The following SHANK2 variants were observed in gnomAD, a reference collection of about 807,000 sequenced individuals.
The protein encoded by SHANK2 is SH3 and multiple ankyrin repeat domains protein 2.
Under a neutral mutation model 133.7 loss-of-function variants are expected in SHANK2, and 43 were observed. That is an observed-to-expected ratio of 0.32 (90% CI 0.25 to 0.41). The LOEUF is 0.41. SHANK2 is among the 10% of genes least tolerant of loss of function. SHANK2 has a pLI of 1.00. For missense variants in SHANK2, 1,994 were observed against 2,235.8 expected (o/e 0.89, Z 2.18); for synonymous variants, 1,017 against 952.8 (o/e 1.07, Z -1.24).
intron 9 of SHANK2, among the ~76,000 whole-genome samples, chr11:71,071,709 T>C (rs890317546): frequency 1.3e-5 from 2 of 152,008 alleles, no homozygotes; most frequent in Non-Finnish European, 2.9e-5. Flanking sequence ...AGAAGCAAAG[T>C]GGGACTCCAG....
chr11:70,851,803 T>C (rs536618607), intron 11 of SHANK2, among the ~76,000 whole-genome samples: 1 of 152,338 alleles, frequency 6.6e-6, no homozygotes, highest in East Asian at 1.9e-4. Context: ...GACCCAGAGC[T>C]TGGGGTCCAG....
At chr11:70,949,254 C>A (rs897993995) in intron 10 of SHANK2, among the ~76,000 whole-genome samples, 1 of 152,252 alleles carries the variant, frequency 6.6e-6, no homozygotes, top group Non-Finnish European at 1.5e-5. Flanking sequence ...TACCGCCCCT[C>A]CCGGCTCCGC....
chr11:70,504,170 C>G (rs1412572391), intron 17 of SHANK2, among the ~76,000 whole-genome samples: 1 of 152,254 alleles, frequency 6.6e-6, no homozygotes, highest in Non-Finnish European at 1.5e-5. Context: ...ACCAGCCACA[C>G]TGTGCTGTAC....
intron 17 of SHANK2, among the ~76,000 whole-genome samples, chr11:70,561,725 G>GA (rs1307209559): frequency 1.4e-5 from 2 of 147,458 alleles, no homozygotes; most frequent in Non-Finnish European, 3.0e-5. Flanking sequence ...ATGGCAGGGG[G>GA]GGTCTCACTA....
chr11:70,781,213 A>G (rs1188645686), intron 14 of SHANK2, among the ~76,000 whole-genome samples: 1 of 152,008 alleles, frequency 6.6e-6, no homozygotes, highest in Non-Finnish European at 1.5e-5. Flanking sequence ...CTTACATGCA[A>G]AATAGGAACG....
chr11:70,475,426 T>G (rs887899310), intron 25 of SHANK2, among the ~76,000 whole-genome samples: 1 of 152,218 alleles, frequency 6.6e-6, no homozygotes, highest in African/African-American at 2.4e-5. Flanking sequence ...GGGAGTGACC[T>G]GGAGACGGGC....
intron 11 of SHANK2, among the ~76,000 whole-genome samples, chr11:70,868,766 GT>G (rs573794263): frequency 1.6e-3 from 249 of 152,348 alleles, no homozygotes; most frequent in African/African-American, 5.8e-3. Flanking sequence ...GGAAAGCCCT[GT>G]TTGGACACAA....
intron 11 of SHANK2, among the ~76,000 whole-genome samples, chr11:70,848,304 C>T (rs1187597732): frequency 2.6e-5 from 4 of 152,186 alleles, no homozygotes; most frequent in African/African-American, 9.7e-5. Context: ...AAAGAATCTG[C>T]CCGTGAGCCG....
intron 17 of SHANK2, among the ~76,000 whole-genome samples, chr11:70,621,805 C>T (rs2060832699): frequency 6.6e-6 from 1 of 152,166 alleles, no homozygotes; most frequent in Admixed American, 6.6e-5. Flanking sequence ...TCTGGAGACA[C>T]CCATAAATGA....
At chr11:70,697,367 T>A (rs550687213) in intron 15 of SHANK2, among the ~76,000 whole-genome samples, 1 of 152,302 alleles carries the variant, frequency 6.6e-6, no homozygotes, top group African/African-American at 2.4e-5. Flanking sequence ...TTTGAAAACA[T>A]GATGCAGCGT....
chr11:70,621,482 C>T (rs1164082471), intron 17 of SHANK2, among the ~76,000 whole-genome samples: 1 of 152,218 alleles, frequency 6.6e-6, no homozygotes, highest in African/African-American at 2.4e-5. Flanking sequence ...GCCAGATGCA[C>T]ACCAAAGGCT....
intron 17 of SHANK2, among the ~76,000 whole-genome samples, chr11:70,576,647 C>G (rs539549801): frequency 1.1e-4 from 16 of 152,012 alleles, no homozygotes; most frequent in Non-Finnish European, 2.2e-4. Flanking sequence ...AAAAAACAAA[C>G]AAACAAACAA....
chr11:70,869,048 C>T (rs941743652), intron 11 of SHANK2, among the ~76,000 whole-genome samples: 8 of 152,298 alleles, frequency 5.3e-5, no homozygotes, highest in Middle Eastern at 6.8e-3. Context: ...GGGGCAGGTC[C>T]TAAATCCAAT....
rs537771864 is a variant in SHANK2, at chr11:70,877,493, C to T, written c.1174+19008G>A. On this transcript the variant is annotated intron_variant, in intron 11 of 25. Transcript: ENST00000601538. ...AGCCACCGTGATTTCAGGGAGAGAT[C>T]CCGGCTCCTGCCCTCCCCACCAGCT... Among the ~76,000 whole-genome samples, 12 of 152,354 alleles carry T rather than the reference C, an allele frequency of 7.9e-5. No homozygotes were observed. In the East Asian group the frequency reaches 2.1e-3, roughly 27 times the overall value.
intron 17 of SHANK2, among the ~76,000 whole-genome samples, chr11:70,598,047 C>T (rs782666315): frequency 3.9e-5 from 6 of 152,206 alleles, no homozygotes; most frequent in South Asian, 2.1e-4. Context: ...CAATGCTGTC[C>T]GCTAACTGCC....
At chr11:70,572,469 G>A (rs2060057528) in intron 17 of SHANK2, among the ~76,000 whole-genome samples, 1 of 152,134 alleles carries the variant, frequency 6.6e-6, no homozygotes, top group South Asian at 2.1e-4. Flanking sequence ...CACCCCTGCT[G>A]TTTTGAAGCC....
At chr11:71,150,314 CAGGGAGGGACAGGGAGGGAG>C (rs1323661244) in intron 2 of SHANK2, among the ~76,000 whole-genome samples, 5 of 44,096 alleles carry the variant, frequency 1.1e-4, no homozygotes, top group Admixed American at 5.5e-4. Flanking sequence ...GAGGGAGGGA[CAGGGAGGGACAGGGAGGGAG>C]AGGGAGGGAC....
chr11:70,713,318 G>A (rs1297291138), intron 14 of SHANK2, among the ~76,000 whole-genome samples: 1 of 152,254 alleles, frequency 6.6e-6, no homozygotes, highest in Non-Finnish European at 1.5e-5. Flanking sequence ...AGTCATCTCA[G>A]GAAATTGTTG....
intron 10 of SHANK2, among the ~76,000 whole-genome samples, chr11:70,949,009 G>A (rs773898407): frequency 2.0e-5 from 3 of 152,046 alleles, no homozygotes; most frequent in Non-Finnish European, 4.4e-5. Context: ...GCTGGGCCCC[G>A]GGCCCAGACT....
Sources: allele counts gnomAD v4.1 joint callset (sites outside exome capture counted in the v4.1 genomes callset), GRCh38; gene constraint gnomAD v4.1.1; transcripts MANE v1.5; gene names NCBI Gene and HGNC (gene_info 2026-07-23, HGNC 2026-07-21).